The following PCSK6 variants were observed in gnomAD, a reference collection of about 807,000 sequenced individuals.
PCSK6 encodes the protein proprotein convertase subtilisin/kexin type 6.
In PCSK6, 85 loss-of-function variants were observed where a neutral mutation model predicts 123.3. The ratio of observed to expected loss-of-function variants is 0.69; its 90% confidence interval spans 0.58 to 0.83. The LOEUF (loss-of-function observed/expected upper bound fraction) is 0.83. Among genes scored for constraint, PCSK6 ranks in the 40% least tolerant of loss-of-function variants. The pLI, the probability that PCSK6 is intolerant of heterozygous loss-of-function variation, is 0.00. For missense variants in PCSK6, 1,191 were observed against 1,282.3 expected, an observed-to-expected ratio of 0.93 and a Z score of 1.09; for synonymous variants, 508 against 516.0, an observed-to-expected ratio of 0.98 and a Z score of 0.21.
At chr15:101,410,222 T>G (rs946589466) in intron 6 of PCSK6, among the ~76,000 whole-genome samples, 1 of 152,214 alleles carries the variant, frequency 6.6e-6, no homozygotes, top group African/African-American at 2.4e-5. Flanking sequence ...TGAGCCACTG[T>G]GCTTGGCCAG....
At chr15:101,403,056 T>G (rs2042641980) in intron 6 of PCSK6, among the ~76,000 whole-genome samples, 1 of 151,952 alleles carries the variant, frequency 6.6e-6, no homozygotes, top group Admixed American at 6.6e-5. Context: ...ATTAAGAAAG[T>G]GTGGCACATA....
At position 101,313,760 on chromosome 15, in the gene PCSK6, G is replaced by A. The variant is rs571468846; in HGVS notation, c.2570-255C>T. 32 of 430,362 alleles carry A rather than the reference G, an allele frequency of 7.4e-5. 1 individual carries two copies. In the South Asian group the frequency reaches 1.0e-3, roughly 14 times the overall value. 26.7% of individuals were successfully genotyped at this position (430,362 alleles called of 1,614,324 possible). A position where few individuals can be genotyped will look rare whatever the true frequency, so the allele number is the denominator to read the frequency against. On this transcript the variant is annotated intron_variant, in intron 19 of 21. Transcript: ENST00000611716. ...TCAGAGGGAGCACACCTGCCCACTG[G>A]CCGTGCCACGATGATGGGCCCTGTT...
At chr15:101,318,264 G>T in intron 19 of PCSK6, 55 bp downstream of exon 19, 2 of 1,302,912 alleles carry the variant, frequency 1.5e-6, no homozygotes, top group Non-Finnish European at 2.2e-6. Context: ...GTTCAAGGCA[G>T]CTAGCCTACG....
In PCSK6 at chr15:101,428,299, C is replaced by A. The variant is rs557925165; in HGVS notation, c.735-319G>T. On this transcript the variant is annotated intron_variant, in intron 5 of 21. Coordinates refer to ENST00000611716, the MANE Select transcript of PCSK6 (RefSeq NM_002570.5). ...CCGTGGTCCTATACCTTCCTCCTCC[C>A]AGCACGTGTAATTGGCACATGGCCA... Among the ~76,000 whole-genome samples, 6 of 152,350 alleles carry A rather than the reference C, an allele frequency of 3.9e-5. No individual in the cohort carries two copies. In the South Asian group the frequency reaches 1.2e-3, roughly 32 times the overall value.
Position 101,458,479 on chromosome 15 carries a change from T to TCTC in PCSK6, c.298-14820_298-14819insGAG, listed in dbSNP as rs1301000277. 7.9e-5 allele frequency among the ~76,000 whole-genome samples: 12 copies of TCTC among 152,218 alleles called. No individual in the cohort carries two copies. The East Asian group carries it at 2.1e-3, about 27-fold the overall frequency. ...CACTGGACCCCCACAGGACCCGGCTTCTTAGGAGGGCCCTTGGTACAGACT... is the reference window on the plus strand; with the variant it reads ...CACTGGACCCCCACAGGACCCGGCTTCTCCTTAGGAGGGCCCTTGGTACAGACT... On this transcript the variant is annotated intron_variant, in intron 1 of 21. Transcript: ENST00000611716.
At chr15:101,477,199 T>C (rs981767861) in intron 1 of PCSK6, among the ~76,000 whole-genome samples, 1 of 152,196 alleles carries the variant, frequency 6.6e-6, no homozygotes, top group African/African-American at 2.4e-5. Flanking sequence ...GTTGCAAAAG[T>C]AGACAATCCT....
intron 20 of PCSK6, among the ~76,000 whole-genome samples, chr15:101,311,197 G>A (rs2039853216): frequency 1.3e-5 from 2 of 151,596 alleles, no homozygotes; most frequent in Non-Finnish European, 2.9e-5. Context: ...TGCAACCTCC[G>A]CCTCCTTGGT....
At chr15:101,375,935 G>A (rs1331008300) in intron 11 of PCSK6, among the ~76,000 whole-genome samples, 1 of 152,168 alleles carries the variant, frequency 6.6e-6, no homozygotes, top group Non-Finnish European at 1.5e-5. Flanking sequence ...TCAGGAGGCT[G>A]AGGCAAGACC....
At chr15:101,351,766 T>C (rs1018955127) in intron 13 of PCSK6, among the ~76,000 whole-genome samples, 1 of 152,030 alleles carries the variant, frequency 6.6e-6, no homozygotes, top group Non-Finnish European at 1.5e-5. Flanking sequence ...GGTGGGAAAA[T>C]GGGGACAGGA....
At chr15:101,373,832 A>G (rs954904283) in intron 11 of PCSK6, among the ~76,000 whole-genome samples, 1 of 152,390 alleles carries the variant, frequency 6.6e-6, no homozygotes, top group South Asian at 2.1e-4. Context: ...CTTTCAAGTT[A>G]AACAATGTGC....
rs140696420 is a variant in PCSK6 at position 101,394,361 on chromosome 15, C to T, written c.997-937G>A. ...CAGTCAGGGCAGATTCCTGCAGCTC[C>T]GCTCTATCCCATACCCACAGGATGG... is the stretch of plus-strand genomic sequence containing the variant. On this transcript the variant is annotated intron_variant, in intron 7 of 21. Coordinates refer to ENST00000611716, the MANE Select transcript of PCSK6 (RefSeq NM_002570.5). Among the ~76,000 whole-genome samples, 32 of 152,262 alleles carry T rather than the reference C, an allele frequency of 2.1e-4. 1 individual carries two copies. In the East Asian group the frequency reaches 4.4e-3, roughly 21 times the overall value.
intron 9 of PCSK6, among the ~76,000 whole-genome samples, chr15:101,388,033 A>G (rs1188356594): frequency 6.6e-6 from 1 of 152,224 alleles, no homozygotes; most frequent in Non-Finnish European, 1.5e-5. Context: ...CCCACTGACC[A>G]AGTTTAAGGG....
intron 7 of PCSK6, among the ~76,000 whole-genome samples, chr15:101,394,018 G>T (rs1051695082): frequency 6.6e-6 from 1 of 152,226 alleles, no homozygotes. Context: ...AGCAGCTTGT[G>T]GGTGTCCTGT....
intron 13 of PCSK6, among the ~76,000 whole-genome samples, chr15:101,344,084 A>AT (rs2040679235): frequency 6.6e-6 from 1 of 151,790 alleles, no homozygotes; most frequent in Non-Finnish European, 1.5e-5. Context: ...TCAAAAAAAA[A>AT]AATAAATAAA....
Position 101,331,841 on chromosome 15 carries a change from A to T in PCSK6, c.2038+11T>A. The T allele has an allele frequency of 1.2e-6, 2 of 1,611,642 alleles. No homozygotes were observed. Among genetic ancestry groups the T allele is most frequent in the Admixed American group, 3.3e-5 (2 of 59,912 alleles). On this transcript the variant is annotated intron_variant, in intron 14 of 21. Transcript: ENST00000611716. Reference sequence around the variant, plus strand: ...GAAGCTGGCCGTCTCCTCTTACTTCAGGCTCATTACCTGTGTAATCTTCCT... The same window carrying T: ...GAAGCTGGCCGTCTCCTCTTACTTCTGGCTCATTACCTGTGTAATCTTCCT...
At chr15:101,310,786 C>T (rs1355359735) in intron 20 of PCSK6, among the ~76,000 whole-genome samples, 1 of 152,220 alleles carries the variant, frequency 6.6e-6, no homozygotes, top group Non-Finnish European at 1.5e-5. Context: ...GTGGTTCTTA[C>T]ACACAGCCTG....
chr15:101,414,100 C>A (rs909871142), intron 6 of PCSK6, among the ~76,000 whole-genome samples: 1 of 152,070 alleles, frequency 6.6e-6, no homozygotes, highest in African/African-American at 2.4e-5. Context: ...CAAAGAGACG[C>A]CCCTTGTCAG....
intron 13 of PCSK6, among the ~76,000 whole-genome samples, chr15:101,342,539 A>C (rs572366248): frequency 6.6e-6 from 1 of 152,324 alleles, no homozygotes; most frequent in East Asian, 1.9e-4. Context: ...TTTTGTATTT[A>C]TGTTCTTGAG....
intron 7 of PCSK6, among the ~76,000 whole-genome samples, chr15:101,393,916 T>G (rs1157599828): frequency 6.6e-6 from 1 of 152,192 alleles, no homozygotes; most frequent in African/African-American, 2.4e-5. Flanking sequence ...GTACCCTTCT[T>G]GCAGAGAGAG....
Sources: allele counts gnomAD v4.1 joint callset (sites outside exome capture counted in the v4.1 genomes callset), GRCh38; gene constraint gnomAD v4.1.1; transcripts MANE v1.5; gene names NCBI Gene and HGNC (gene_info 2026-07-23, HGNC 2026-07-21).